NIPAL2: variants seen among roughly 807,000 people sequenced by gnomAD.
NIPAL2 encodes the protein NIPA-like protein 2.
Under a neutral mutation model 48.9 loss-of-function variants are expected in NIPAL2, and 43 were observed. That is an observed-to-expected ratio of 0.88 (90% CI 0.69 to 1.13). NIPAL2 has a LOEUF of 1.13. Among genes scored for constraint, NIPAL2 ranks in the 50% most tolerant of loss-of-function variants. The probability of loss-of-function intolerance (pLI) is 0.00; values close to 1 mark genes in which losing one functional copy is unlikely to be tolerated. For synonymous variants in NIPAL2, 167 were observed against 174.6 expected, an observed-to-expected ratio of 0.96 and a Z score of 0.34; for missense variants, 446 against 461.4, an observed-to-expected ratio of 0.97 and a Z score of 0.31.
intron 5 of NIPAL2, among the ~76,000 whole-genome samples, chr8:98,215,955 G>T (rs574125191): frequency 6.6e-6 from 1 of 152,268 alleles, no homozygotes; most frequent in South Asian, 2.1e-4. Context: ...AGCTGAAGGG[G>T]TGTGTGGCAA....
At chr8:98,195,770 A>C (rs566203950) in intron 9 of NIPAL2, 172 bp downstream of exon 9, 2 of 507,576 alleles carry the variant, frequency 3.9e-6, no homozygotes, top group Non-Finnish European at 7.2e-6. Flanking sequence ...AAAGCCAAAG[A>C]CGCTGAGCCC....
intron 1 of NIPAL2, among the ~76,000 whole-genome samples, chr8:98,274,145 G>A (rs959658089): frequency 6.6e-6 from 1 of 151,976 alleles, no homozygotes; most frequent in African/African-American, 2.4e-5. Flanking sequence ...ACAGAAATTT[G>A]TCTTGTGACC....
chr8:98,277,446 A>G (rs1425814688), intron 1 of NIPAL2, among the ~76,000 whole-genome samples: 6 of 152,144 alleles, frequency 3.9e-5, no homozygotes, highest in Admixed American at 6.5e-5. Context: ...CTGAGATGGG[A>G]GAATCGCTTG....
In NIPAL2 at chr8:98,236,222, G is replaced by T; in HGVS notation, c.377-8C>A. ...CAGAAATAATGGCACTACCTATAAA[G>T]AAAATGGCCATTAGTGGTAGTTCCA... On this transcript the variant is annotated splice_region_variant and splice_polypyrimidine_tract_variant and intron_variant, in intron 3 of 10. Transcript: ENST00000430223. 6.3e-7 allele frequency: 1 copy of T among 1,592,936 alleles called. No homozygotes were observed. The highest frequency in any genetic ancestry group is 1.1e-5 in the South Asian group (1 of 88,742).
chr8:98,248,984 C>T (rs1464079173), intron 3 of NIPAL2, among the ~76,000 whole-genome samples: 1 of 152,210 alleles, frequency 6.6e-6, no homozygotes, highest in Non-Finnish European at 1.5e-5. Flanking sequence ...GGCTGAGTCT[C>T]TAGCACAATG....
At chr8:98,290,441 C>T (rs1816430455) in intron 1 of NIPAL2, among the ~76,000 whole-genome samples, 1 of 152,174 alleles carries the variant, frequency 6.6e-6, no homozygotes, top group African/African-American at 2.4e-5. Flanking sequence ...CAACAAAATC[C>T]TCCTTCTCAT....
intron 1 of NIPAL2, among the ~76,000 whole-genome samples, chr8:98,271,190 G>A (rs1217707023): frequency 6.6e-6 from 1 of 151,966 alleles, no homozygotes; most frequent in Non-Finnish European, 1.5e-5. Context: ...CTCTTTTTTG[G>A]TACCATATAA....
rs554157536 is a variant in NIPAL2, at chr8:98,215,858, A to G, written c.559-3357T>C. Among the ~76,000 whole-genome samples, 5 of 152,332 alleles carry G rather than the reference A, an allele frequency of 3.3e-5. No homozygotes were observed. The East Asian group carries it at 9.6e-4, about 29-fold the overall frequency. On this transcript the variant is annotated intron_variant, in intron 5 of 10. Transcript: ENST00000430223. ...CCTTGAAGGAAAAATAGACAAAAGT[A>G]GACAATTTTCAATTTGTCAAAGTAG...
At chr8:98,199,666 A>C (rs1383273605) in intron 8 of NIPAL2, among the ~76,000 whole-genome samples, 1 of 152,200 alleles carries the variant, frequency 6.6e-6, no homozygotes, top group Admixed American at 6.5e-5. Flanking sequence ...AACAGATATA[A>C]TAATAACAAA....
At chr8:98,248,869 G>T (rs1023710275) in intron 3 of NIPAL2, among the ~76,000 whole-genome samples, 5 of 152,112 alleles carry the variant, frequency 3.3e-5, no homozygotes, top group Non-Finnish European at 5.9e-5. Context: ...AGGATACAAA[G>T]GTTCTGACTC....
intron 6 of NIPAL2, among the ~76,000 whole-genome samples, chr8:98,211,909 G>A (rs755175468): frequency 4.3e-4 from 65 of 152,124 alleles, no homozygotes; most frequent in Admixed American, 2.6e-3. Context: ...CTCTAACAAG[G>A]TGCCTCTGGA....
intron 3 of NIPAL2, among the ~76,000 whole-genome samples, chr8:98,245,371 G>A (rs1210368705): frequency 6.6e-6 from 1 of 152,136 alleles, no homozygotes; most frequent in Non-Finnish European, 1.5e-5. Flanking sequence ...GAATATCTGA[G>A]GATATGTCAG....
In NIPAL2 at chr8:98,222,658, C is replaced by T. The variant is rs142550648; in HGVS notation, c.437-58G>A. 491 of 1,566,832 alleles carry T rather than the reference C, an allele frequency of 3.1e-4. 4 individuals are homozygous for T. The highest frequency in any genetic ancestry group is 2.1e-3 in the South Asian group (189 of 88,140). ...GAAACCAACCTAAAGCTTTTGTTGA[C>T]GCAGACATTGCCTAGAGACTGCGCA... is the stretch of plus-strand genomic sequence containing the variant. On this transcript the variant is annotated intron_variant, in intron 4 of 10. Transcript: ENST00000430223.
At chr8:98,283,344 A>G (rs949723947) in intron 1 of NIPAL2, among the ~76,000 whole-genome samples, 1 of 152,202 alleles carries the variant, frequency 6.6e-6, no homozygotes, top group African/African-American at 2.4e-5. Flanking sequence ...GGCTTTTAAC[A>G]CTTTGTCAAA....
Position 98,192,878 on chromosome 8 carries a change from CAT to C in NIPAL2, c.*98_*99del, listed in dbSNP as rs746574980. The C allele has an allele frequency of 4.3e-5, 32 of 738,210 alleles. No individual in the cohort carries two copies. The highest frequency in any genetic ancestry group is 7.5e-5 in the Non-Finnish European group (31 of 415,990). 45.7% of individuals were successfully genotyped at this position (738,210 alleles called of 1,614,324 possible). A position where few individuals can be genotyped will look rare whatever the true frequency, so the allele number is the denominator to read the frequency against. ...GAAAGGACTGAAATGAATGCTAGCACATGTTAGCTTATAAAAGAGCTGCTGAC... is the reference window on the plus strand; with the variant it reads ...GAAAGGACTGAAATGAATGCTAGCACGTTAGCTTATAAAAGAGCTGCTGAC... On this transcript the variant is annotated 3_prime_UTR_variant, in exon 11 of 11. Coordinates refer to ENST00000430223, the MANE Select transcript of NIPAL2 (RefSeq NM_001321635.2).
At chr8:98,286,573 C>A (rs776970782) in intron 1 of NIPAL2, among the ~76,000 whole-genome samples, 1 of 152,104 alleles carries the variant, frequency 6.6e-6, no homozygotes, top group Non-Finnish European at 1.5e-5. Flanking sequence ...CTTTGGGAGT[C>A]CGAGACAGGT....
intron 5 of NIPAL2, among the ~76,000 whole-genome samples, chr8:98,221,541 C>A: frequency 6.6e-6 from 1 of 151,876 alleles, no homozygotes; most frequent in East Asian, 1.9e-4. Context: ...CTACATCTAT[C>A]AAGTTTTTTT....
At chr8:98,249,040 T>C (rs907686489) in intron 3 of NIPAL2, among the ~76,000 whole-genome samples, 1 of 152,136 alleles carries the variant, frequency 6.6e-6, no homozygotes, top group African/African-American at 2.4e-5. Flanking sequence ...AAGGGTTTTC[T>C]GCAGAACTGC....
chr8:98,243,988 CTTTG>C (rs1254512127), intron 3 of NIPAL2, among the ~76,000 whole-genome samples: 1 of 152,106 alleles, frequency 6.6e-6, no homozygotes, highest in Non-Finnish European at 1.5e-5. Flanking sequence ...ATTTTGTTCA[CTTTG>C]TTTATTTCTT....
Sources: allele counts gnomAD v4.1 joint callset (sites outside exome capture counted in the v4.1 genomes callset), GRCh38; gene constraint gnomAD v4.1.1; transcripts MANE v1.5; gene names NCBI Gene and HGNC (gene_info 2026-07-23, HGNC 2026-07-21).